GALNT17: variants seen among roughly 807,000 people sequenced by gnomAD.
GALNT17 encodes the protein polypeptide N-acetylgalactosaminyltransferase 17.
GALNT17 carries 29 observed loss-of-function variants against 63.7 expected under a neutral mutation model. The ratio of observed to expected loss-of-function variants is 0.46; its 90% CI spans 0.34 to 0.62. The LOEUF is 0.62. GALNT17 is among the 20% of genes least tolerant of loss of function. GALNT17 has a pLI of 0.01. For synonymous variants in GALNT17, 305 were observed against 318.3 expected (o/e 0.96, Z 0.45); for missense variants, 603 against 799.6 (o/e 0.75, Z 2.97).
intron 1 of GALNT17, among the ~76,000 whole-genome samples, chr7:71,288,002 A>AGATCACAC (rs1790905690): frequency 6.8e-6 from 1 of 147,522 alleles, no homozygotes; most frequent in Non-Finnish European, 1.5e-5. Flanking sequence ...CAGTGAGCCG[A>AGATCACAC]GATCACACCA....
intron 1 of GALNT17, among the ~76,000 whole-genome samples, chr7:71,323,803 C>T (rs909858345): frequency 4.6e-5 from 7 of 152,222 alleles, no homozygotes; most frequent in African/African-American, 1.2e-4. Context: ...GCCGTCCAAT[C>T]GTATCTATGA....
intron 1 of GALNT17, among the ~76,000 whole-genome samples, chr7:71,169,003 C>T (rs1788497053): frequency 6.6e-6 from 1 of 152,104 alleles, no homozygotes; most frequent in African/African-American, 2.4e-5. Context: ...CTGTGAGAGT[C>T]CAGGCACTGT....
At chr7:71,474,492 A>C (rs1462096652) in intron 5 of GALNT17, among the ~76,000 whole-genome samples, 1 of 152,192 alleles carries the variant, frequency 6.6e-6, no homozygotes, top group Non-Finnish European at 1.5e-5. Flanking sequence ...TGAATGAGTT[A>C]CTATCAGTAA....
At chr7:71,247,723 C>T in intron 1 of GALNT17, among the ~76,000 whole-genome samples, 1 of 152,188 alleles carries the variant, frequency 6.6e-6, no homozygotes, top group East Asian at 1.9e-4. Context: ...TCCCAAAGTG[C>T]TGCGATTACA....
chr7:71,619,367 G>A (rs997423085), intron 6 of GALNT17, among the ~76,000 whole-genome samples: 8 of 152,194 alleles, frequency 5.3e-5, no homozygotes, highest in Non-Finnish European at 1.2e-4. Context: ...CATTGAATCT[G>A]TAAATTGCTT....
At chr7:71,259,854 G>A (rs1253531463) in intron 1 of GALNT17, among the ~76,000 whole-genome samples, 2 of 151,886 alleles carry the variant, frequency 1.3e-5, no homozygotes, top group African/African-American at 2.4e-5. Context: ...TGTTAGCCAG[G>A]ATGGTCTCGA....
chr7:71,694,773 A>C (rs1584143702), intron 9 of GALNT17, among the ~76,000 whole-genome samples: 1 of 152,214 alleles, frequency 6.6e-6, no homozygotes, highest in African/African-American at 2.4e-5. Flanking sequence ...AAAATCATTA[A>C]GTAGCAGAGC....
intron 5 of GALNT17, among the ~76,000 whole-genome samples, chr7:71,521,010 C>T (rs1260469269): frequency 1.3e-5 from 2 of 152,130 alleles, no homozygotes; most frequent in African/African-American, 4.8e-5. Context: ...AGCTGATCTC[C>T]AGGTAGGCGA....
chr7:71,376,738 G>A (rs1338990977), intron 2 of GALNT17, among the ~76,000 whole-genome samples: 8 of 151,746 alleles, frequency 5.3e-5, no homozygotes, highest in African/African-American at 1.9e-4. Flanking sequence ...GATTGATTGA[G>A]ACTAGGAGTT....
intron 5 of GALNT17, among the ~76,000 whole-genome samples, chr7:71,534,381 C>T (rs990520374): frequency 3.2e-4 from 48 of 151,928 alleles, no homozygotes; most frequent in African/African-American, 1.0e-3. Flanking sequence ...GGGCAGATCA[C>T]GAGGTCAGGA....
At chr7:71,559,967 G>A (rs552885721) in intron 5 of GALNT17, among the ~76,000 whole-genome samples, 15 of 151,516 alleles carry the variant, frequency 9.9e-5, no homozygotes, top group East Asian at 7.8e-4. Flanking sequence ...AGGCTGCAGC[G>A]GGCAAATCGC....
At chr7:71,137,868 A>G (rs1787817025) in intron 1 of GALNT17, among the ~76,000 whole-genome samples, 2 of 152,224 alleles carry the variant, frequency 1.3e-5, no homozygotes, top group African/African-American at 4.8e-5. Flanking sequence ...GGATGCCAAC[A>G]CTTGCACAGT....
At chr7:71,202,022 T>C (rs1361532557) in intron 1 of GALNT17, among the ~76,000 whole-genome samples, 3 of 151,798 alleles carry the variant, frequency 2.0e-5, no homozygotes. Flanking sequence ...TTTTAAGGTA[T>C]TTTTTACTCC....
chr7:71,332,301 A>C (rs796347646), intron 1 of GALNT17, among the ~76,000 whole-genome samples: 3 of 152,154 alleles, frequency 2.0e-5, no homozygotes, highest in Non-Finnish European at 4.4e-5. Context: ...GGGGAAAAAA[A>C]AAAATCCAGT....
At chr7:71,646,423 T>A (rs1431121530) in intron 6 of GALNT17, among the ~76,000 whole-genome samples, 1 of 152,156 alleles carries the variant, frequency 6.6e-6, no homozygotes, top group African/African-American at 2.4e-5. Context: ...GCCACCACCT[T>A]CCTCTGGGAC....
At chr7:71,503,320 A>G (rs2116706007) in intron 5 of GALNT17, among the ~76,000 whole-genome samples, 1 of 152,250 alleles carries the variant, frequency 6.6e-6, no homozygotes, top group East Asian at 1.9e-4. Flanking sequence ...AGCTCACTGC[A>G]ACCTCTGCCT....
intron 6 of GALNT17, among the ~76,000 whole-genome samples, chr7:71,604,314 T>C (rs1790015329): frequency 6.6e-6 from 1 of 152,268 alleles, no homozygotes; most frequent in East Asian, 1.9e-4. Context: ...CTGGATACTA[T>C]GATAAGTGCA....
intron 2 of GALNT17, among the ~76,000 whole-genome samples, chr7:71,345,850 C>A (rs1792081581): frequency 6.6e-6 from 1 of 151,888 alleles, no homozygotes; most frequent in South Asian, 2.1e-4. Flanking sequence ...CTGTGTCTCA[C>A]AGGTCGGTTT....
intron 1 of GALNT17, among the ~76,000 whole-genome samples, chr7:71,153,496 GATGGAAAGTCTGTTTTC>G (rs1318017051): frequency 3.3e-5 from 5 of 152,166 alleles, no homozygotes; most frequent in Admixed American, 2.0e-4. Context: ...TAGAGTCGAT[GATGGAAAGTCTGTTTTC>G]ATGTAAACAG....
Sources: allele counts gnomAD v4.1 joint callset (sites outside exome capture counted in the v4.1 genomes callset), GRCh38; gene constraint gnomAD v4.1.1; transcripts MANE v1.5; gene names NCBI Gene and HGNC (gene_info 2026-07-23, HGNC 2026-07-21).